Variants in POM121 observed in about 807,000 individuals in gnomAD.
POM121 encodes the protein POM121 transmembrane nucleoporin, also known as nuclear envelope pore membrane protein POM 121.
In POM121, 32 loss-of-function variants were observed where a neutral mutation model predicts 81.3. That is an observed-to-expected ratio of 0.39 (90% confidence interval 0.30 to 0.53). POM121 has a LOEUF of 0.53. POM121 is among the 20% of genes least tolerant of loss of function. POM121 has a pLI of 0.66. For missense variants in POM121, 1,138 were observed against 1,614.6 expected (o/e 0.70, Z 5.06); for synonymous variants, 514 against 694.2 (o/e 0.74, Z 4.08).
downstream of POM121, chr7:72,948,553 C>T: frequency 6.2e-7 from 1 of 1,613,552 alleles, no homozygotes; most frequent in Non-Finnish European, 8.5e-7. Flanking sequence ...TGGGGCTGGG[C>T]TGGGTGTGCG....
chr7:72,906,541 CTCTT>C (rs1282160400), intron 3 of POM121, among the ~76,000 whole-genome samples: 1 of 152,232 alleles, frequency 6.6e-6, no homozygotes, highest in Non-Finnish European at 1.5e-5. Flanking sequence ...ATTCCAATCA[CTCTT>C]TCTAGCTCAG....
At chr7:72,894,707 G>C (rs1313582964) in intron 3 of POM121, among the ~76,000 whole-genome samples, 1 of 150,018 alleles carries the variant, frequency 6.7e-6, no homozygotes, top group African/African-American at 2.5e-5. Flanking sequence ...GCCCAGGCTG[G>C]GAGTGCGGAG....
chr7:72,893,358 C>T (rs1306537766), intron 3 of POM121, among the ~76,000 whole-genome samples: 15 of 151,800 alleles, frequency 9.9e-5, no homozygotes, highest in African/African-American at 2.4e-4. Context: ...CCGAGGCGGG[C>T]GGATCACGAG....
chr7:72,928,425 C>G lies in POM121; in HGVS notation c.1063C>G (p.Pro355Ala). Residue 355 changes from proline to alanine, a missense_variant, in exon 4 of 13, where the codon CCC (proline) becomes GCC (alanine). Pro to Ala is a conservative substitution (Grantham distance 27). Coordinates refer to ENST00000434423, the MANE Select transcript of POM121 (RefSeq NM_001387691.1). ...SSGSGHSAFE[P>A]LVANGVPASF... ...TGGCAGTGGACATTCAGCATTTGAG[C>G]CCCTGGTGGCCAATGGAGTCCCCGC... 1 of 1,614,200 alleles carries G rather than the reference C, an allele frequency of 6.2e-7. No homozygotes were observed. Among genetic ancestry groups the G allele is most frequent in the South Asian group, 1.1e-5 (1 of 91,082 alleles).
intron 5 of POM121, among the ~76,000 whole-genome samples, chr7:72,932,732 G>C (rs1369804688): frequency 6.6e-6 from 1 of 152,038 alleles, no homozygotes; most frequent in African/African-American, 2.4e-5. Flanking sequence ...TTGTAGCTCT[G>C]GGCTTTTACC....
In POM121 at chr7:72,899,419, C is replaced by T. The variant is rs148619098; in HGVS notation, c.-216+8309C>T. Among the ~76,000 whole-genome samples the T allele has an allele frequency of 5.9e-3, 891 of 152,134 alleles. 10 individuals carry two copies. The highest frequency in any genetic ancestry group is 0.02 in the African/African-American group (820 of 41,480). ...CCAATACCTAGCACAGAGTGGTACC[C>T]AGCAAATATTTGACAAATAAATGTG... On this transcript the variant is annotated intron_variant, in intron 3 of 15. Coordinates refer to the POM121 transcript ENST00000395270.
At chr7:72,906,360 G>A (rs1363356379) in intron 3 of POM121, among the ~76,000 whole-genome samples, 2 of 152,330 alleles carry the variant, frequency 1.3e-5, no homozygotes, top group East Asian at 3.9e-4. Context: ...TCCGCTGCTC[G>A]CCCTGGCATC....
chr7:72,925,000 C>A (rs1795209737), upstream of POM121: 2 of 1,324,680 alleles, frequency 1.5e-6, no homozygotes, highest in Non-Finnish European at 1.9e-6. Flanking sequence ...GGGTCTCGGG[C>A]GCTGCCGGGC....
At chr7:72,949,761 C>T (rs1221435569), downstream of POM121, 19 of 881,524 alleles carry the variant, frequency 2.2e-5, no homozygotes, top group Admixed American at 2.5e-4. Flanking sequence ...AAGAGTTAAG[C>T]GAAAGTCATC....
At chr7:72,932,196 A>C (rs1211345679) in intron 5 of POM121, among the ~76,000 whole-genome samples, 10 of 149,804 alleles carry the variant, frequency 6.7e-5, no homozygotes, top group Non-Finnish European at 1.5e-4. Context: ...AACAAGATAC[A>C]CTCAAAAATT....
rs560391280 is a variant in POM121, at chr7:72,898,516, G to T, written c.-216+7406G>T. Among the ~76,000 whole-genome samples, 11 of 152,248 alleles carry T rather than the reference G, an allele frequency of 7.2e-5. No homozygotes were observed. In the East Asian group the frequency reaches 1.7e-3, roughly 24 times the overall value. ...GATGAAGATAAAAATGCTGGAGTCA[G>T]TCAGGCGTGTTGGCTCACGCCTGTA... is the stretch of plus-strand genomic sequence containing the variant. On this transcript the variant is annotated intron_variant, in intron 3 of 15. Transcript: ENST00000395270.
rs782476007 is a variant in POM121 at position 72,938,602 on chromosome 7, A to G, written c.1288A>G (p.Asn430Asp). Residue 430 changes from asparagine to aspartate, a missense_variant, in exon 6 of 13, where the codon AAT (asparagine) becomes GAT (aspartate). By Grantham distance (23) the Asn-to-Asp change is conservative (BLOSUM62 1). This residue lies in a region of POM121 where 646 missense variants were observed against 633.5 expected (regional missense o/e 1.02). Transcript: ENST00000434423. Reference protein sequence around the residue: ...TRGISQLWKRNGPSSSPFSSP... With the variant: ...TRGISQLWKRDGPSSSPFSSP... Reference sequence around the variant, plus strand: ...TCTTGATTTTTAGCTCTGGAAGAGAAATGGCCCCAGTTCATCACCCTTCTC... The same window carrying G: ...TCTTGATTTTTAGCTCTGGAAGAGAGATGGCCCCAGTTCATCACCCTTCTC... The G allele has an allele frequency of 6.2e-7, 1 of 1,613,846 alleles. No individual in the cohort carries two copies. Among genetic ancestry groups the G allele is most frequent in the Non-Finnish European group, 8.5e-7 (1 of 1,179,794 alleles).
Position 72,926,323 on chromosome 7 carries a change from C to G in POM121, c.706C>G (p.Gln236Glu). The G allele has an allele frequency of 1.2e-6, 2 of 1,609,138 alleles. No homozygotes were observed. Among genetic ancestry groups the G allele is most frequent in the Admixed American group, 1.7e-5 (1 of 59,070 alleles). The change falls in exon 2 of 13, where the codon CAG (glutamine) becomes GAG (glutamate). Residue 236 changes from glutamine (Q) to glutamate (E), a missense_variant. Coordinates refer to ENST00000434423, the MANE Select transcript of POM121 (RefSeq NM_001387691.1). ...ITPRRRYPIH[Q>E]AQYSCLGVLP... ...ACCTAGAAGACGCTATCCGATCCATCAGGCCCAGTATTCCTGTCTGGGGGT... is the reference window on the plus strand; with the variant it reads ...ACCTAGAAGACGCTATCCGATCCATGAGGCCCAGTATTCCTGTCTGGGGGT...
At position 72,925,106 on chromosome 7, in the gene POM121, G is replaced by C. The variant is rs1554496742; in HGVS notation, c.-16G>C. The C allele has an allele frequency of 1.4e-6, 2 of 1,398,650 alleles. No homozygotes were observed. The highest frequency in any genetic ancestry group is 1.8e-6 in the Non-Finnish European group (2 of 1,091,340). The allele number at this position is 1,398,650 out of a possible 1,614,324, so 86.6% of individuals were successfully genotyped here. On this transcript the variant is annotated 5_prime_UTR_variant, in exon 1 of 13. Coordinates refer to ENST00000434423, the MANE Select transcript of POM121 (RefSeq NM_001387691.1). ...ACGCTGGGATATTTAAGTCTCCTCC[G>C]CGGCGCGGAGCCGCGATGTCTCCGG...
intron 4 of POM121, among the ~76,000 whole-genome samples, chr7:72,916,091 T>C (rs1477472117): frequency 2.6e-5 from 4 of 152,190 alleles, no homozygotes; most frequent in African/African-American, 9.7e-5. Flanking sequence ...GATGGGTAGG[T>C]TGCAAAAATT....
intron 5 of POM121, among the ~76,000 whole-genome samples, chr7:72,931,592 C>T (rs1475360617): frequency 1.4e-5 from 2 of 146,822 alleles, no homozygotes; most frequent in East Asian, 3.9e-4. Flanking sequence ...TTTTTTTTGC[C>T]GGAGTCTTAC....
chr7:72,888,448 G>A (rs1193536015), intron 1 of POM121, among the ~76,000 whole-genome samples: 7 of 152,246 alleles, frequency 4.6e-5, no homozygotes, highest in Admixed American at 2.6e-4. Context: ...GACCTCAGGT[G>A]ATCTGCCCAC....
intron 1 of POM121, among the ~76,000 whole-genome samples, chr7:72,886,267 T>C (rs1193501013): frequency 6.9e-6 from 1 of 144,590 alleles, no homozygotes; most frequent in East Asian, 2.0e-4. Context: ...TCTGCCTCCC[T>C]GGTTCAAGTG....
rs368167847 is a variant in POM121, at chr7:72,926,990, C to A, written c.1022+27C>A. 2.3e-5 allele frequency: 37 copies of A among 1,613,798 alleles called. No individual in the cohort carries two copies. The Middle Eastern group carries it at 9.9e-4, about 43-fold the overall frequency. On this transcript the variant is annotated intron_variant, in intron 3 of 12. Coordinates refer to ENST00000434423, the MANE Select transcript of POM121 (RefSeq NM_001387691.1). ...TAACAGGCTCAGGAGAGTACTAAGCCGGTTTCGCGCTTGGACTCCTATGGG... is the reference window on the plus strand; with the variant it reads ...TAACAGGCTCAGGAGAGTACTAAGCAGGTTTCGCGCTTGGACTCCTATGGG...
Sources: gnomAD v4.1 joint callset for allele counts (sites outside exome capture counted in the v4.1 genomes callset) on GRCh38, gnomAD v4.1.1 for gene constraint, gnomAD v4.1.1 regional missense constraint, MANE v1.5 for transcripts, NCBI Gene and HGNC (gene_info 2026-07-23, HGNC 2026-07-21) for gene names.